The following CSMD1 variants were observed in gnomAD, a reference collection of about 807,000 sequenced individuals.
CSMD1 encodes the protein CUB and sushi domain-containing protein 1.
A neutral mutation model predicts 417.5 loss-of-function variants in CSMD1; 213 were observed. The ratio of observed to expected loss-of-function variants is 0.51; its 90% confidence interval spans 0.46 to 0.57. The LOEUF is 0.57. Ranked by LOEUF, CSMD1 falls within the 20% of genes least tolerant of loss-of-function variation. The pLI, the probability that CSMD1 is intolerant of heterozygous loss-of-function variation, is 0.00. For missense variants in CSMD1, 6,923 were observed against 4,529.7 expected (o/e 1.53, Z -15.17); for synonymous variants, 2,862 against 1,736.8 (o/e 1.65, Z -16.11).
At chr8:4,230,786 T>A (rs1481321503) in intron 3 of CSMD1, among the ~76,000 whole-genome samples, 3 of 152,174 alleles carry the variant, frequency 2.0e-5, no homozygotes, top group African/African-American at 7.2e-5. Context: ...TTTCAAGTAA[T>A]TTTTACCTCT....
intron 3 of CSMD1, among the ~76,000 whole-genome samples, chr8:4,389,515 T>C (rs1029259728): frequency 6.6e-6 from 1 of 152,066 alleles, no homozygotes; most frequent in Admixed American, 6.6e-5. Flanking sequence ...AAGGATAATA[T>C]ATCAGTCATA....
chr8:3,788,005 G>T (rs145761725), intron 5 of CSMD1, among the ~76,000 whole-genome samples: 1 of 152,160 alleles, frequency 6.6e-6, no homozygotes, highest in Non-Finnish European at 1.5e-5. Context: ...TAGACCAAGA[G>T]TAAAAAAGAG....
chr8:3,336,391 T>C (rs932458110), intron 23 of CSMD1, among the ~76,000 whole-genome samples: 3 of 152,236 alleles, frequency 2.0e-5, no homozygotes, highest in African/African-American at 4.8e-5. Flanking sequence ...ACCCCTGTTA[T>C]ACAGAGTCTG....
At chr8:4,254,547 AC>A (rs2128834166) in intron 3 of CSMD1, among the ~76,000 whole-genome samples, 1 of 152,292 alleles carries the variant, frequency 6.6e-6, no homozygotes, top group Non-Finnish European at 1.5e-5. Flanking sequence ...TATGAAGACT[AC>A]AGTAGTGTAC....
chr8:3,266,171 C>G (rs146936200), intron 26 of CSMD1, among the ~76,000 whole-genome samples: 70 of 150,888 alleles, frequency 4.6e-4, no homozygotes, highest in Middle Eastern at 3.4e-3. Flanking sequence ...GGACACCTGC[C>G]TCTCAAGGGC....
intron 12 of CSMD1, among the ~76,000 whole-genome samples, chr8:3,436,454 C>T (rs1434689938): frequency 1.3e-5 from 2 of 152,138 alleles, no homozygotes; most frequent in Non-Finnish European, 2.9e-5. Context: ...TCCCAGCCCT[C>T]AAAATAGTGC....
intron 41 of CSMD1, among the ~76,000 whole-genome samples, chr8:3,131,553 C>T (rs1053305681): frequency 6.6e-6 from 1 of 150,452 alleles, no homozygotes; most frequent in Non-Finnish European, 1.5e-5. Flanking sequence ...CTCACTGCAA[C>T]ATCCATCTCC....
chr8:3,849,244 AAC>A (rs1305719564), intron 5 of CSMD1, among the ~76,000 whole-genome samples: 14 of 152,208 alleles, frequency 9.2e-5, no homozygotes, highest in African/African-American at 3.4e-4. Context: ...AATAAAACGA[AAC>A]AAAACCACAG....
At chr8:3,774,938 C>T (rs13264221) in intron 5 of CSMD1, among the ~76,000 whole-genome samples, 11 of 151,980 alleles carry the variant, frequency 7.2e-5, no homozygotes, top group Middle Eastern at 3.4e-3. Flanking sequence ...GACTGACCAG[C>T]GAGACGGGAA....
chr8:3,867,891 C>T (rs559001608), intron 5 of CSMD1, among the ~76,000 whole-genome samples: 4 of 152,062 alleles, frequency 2.6e-5, no homozygotes, highest in Non-Finnish European at 5.9e-5. Context: ...GAACCGTTCC[C>T]AAGACTCTGT....
intron 1 of CSMD1, among the ~76,000 whole-genome samples, chr8:4,722,658 T>C (rs1809135064): frequency 6.6e-6 from 1 of 151,960 alleles, no homozygotes; most frequent in Non-Finnish European, 1.5e-5. Flanking sequence ...ATCTCATTAC[T>C]ATCCTCAGCG....
rs1263767600 is a variant in CSMD1, at chr8:3,418,719, GA to G, written c.1562-9115del. Among the ~76,000 whole-genome samples, 5 of 152,112 alleles carry G rather than the reference GA, an allele frequency of 3.3e-5. No individual in the cohort carries two copies. In the East Asian group the frequency reaches 9.7e-4, roughly 30 times the overall value. On this transcript the variant is annotated intron_variant, in intron 12 of 69. Transcript: ENST00000635120. ...AGAGAAATCTACATTAACATCACAG[GA>G]CATCTCCATTGAATTTCCAAATTGG...
chr8:3,361,234 G>A (rs1030646601), intron 20 of CSMD1, among the ~76,000 whole-genome samples: 3 of 152,058 alleles, frequency 2.0e-5, no homozygotes, highest in African/African-American at 4.8e-5. Context: ...TCACAATTCA[G>A]ATAATATTAT....
intron 1 of CSMD1, among the ~76,000 whole-genome samples, chr8:4,864,887 C>CACAT (rs1554505469): frequency 6.7e-6 from 1 of 149,668 alleles, no homozygotes; most frequent in African/African-American, 2.5e-5. Context: ...CACACACACA[C>CACAT]ACACACACAA....
At chr8:4,510,689 T>C (rs1375048906) in intron 2 of CSMD1, among the ~76,000 whole-genome samples, 1 of 139,972 alleles carries the variant, frequency 7.1e-6, no homozygotes, top group Non-Finnish European at 1.6e-5. Context: ...CCTCTCTTCC[T>C]TCCCCTTTCC....
chr8:3,928,267 C>T (rs925361197), intron 5 of CSMD1, among the ~76,000 whole-genome samples: 5 of 152,120 alleles, frequency 3.3e-5, no homozygotes, highest in Non-Finnish European at 5.9e-5. Context: ...ATTACATATG[C>T]TGTGATATAA....
intron 7 of CSMD1, among the ~76,000 whole-genome samples, chr8:3,691,038 T>C (rs1800210073): frequency 6.6e-6 from 1 of 152,040 alleles, no homozygotes; most frequent in Non-Finnish European, 1.5e-5. Context: ...AGTATCTTTT[T>C]CTCTCTAACA....
chr8:4,244,035 G>C (rs904589541), intron 3 of CSMD1, among the ~76,000 whole-genome samples: 3 of 152,200 alleles, frequency 2.0e-5, no homozygotes, highest in Non-Finnish European at 4.4e-5. Flanking sequence ...CCTGGCTGCA[G>C]GCTCTTTGTT....
At chr8:4,247,582 G>C (rs978700995) in intron 3 of CSMD1, among the ~76,000 whole-genome samples, 1 of 152,120 alleles carries the variant, frequency 6.6e-6, no homozygotes. Flanking sequence ...CACCATTCTT[G>C]TTAAATGGCC....
Sources: allele counts gnomAD v4.1 joint callset (sites outside exome capture counted in the v4.1 genomes callset), GRCh38; gene constraint gnomAD v4.1.1; transcripts MANE v1.5; gene names NCBI Gene and HGNC (gene_info 2026-07-23, HGNC 2026-07-21).